The following FIGN variants were observed in gnomAD, a reference collection of about 807,000 sequenced individuals.
The protein encoded by FIGN is fidgetin.
In FIGN, 11 loss-of-function variants were observed where a neutral mutation model predicts 51.3. That is an observed-to-expected ratio of 0.21 (90% CI 0.13 to 0.35). FIGN has a LOEUF of 0.35. Ranked by LOEUF, FIGN falls within the 10% of genes least tolerant of loss-of-function variation. FIGN has a pLI of 1.00. For synonymous variants in FIGN, 407 were observed against 363.2 expected (o/e 1.12, Z -1.37); for missense variants, 857 against 943.6 (o/e 0.91, Z 1.20).
intron 2 of FIGN, among the ~76,000 whole-genome samples, chr2:163,647,662 C>G (rs1460518825): frequency 6.6e-6 from 1 of 152,138 alleles, no homozygotes; most frequent in Non-Finnish European, 1.5e-5. Context: ...GATTATTTTT[C>G]AGTAACAAAC....
At chr2:163,693,008 C>T (rs1417007121) in intron 2 of FIGN, among the ~76,000 whole-genome samples, 2 of 152,188 alleles carry the variant, frequency 1.3e-5, no homozygotes, top group African/African-American at 2.4e-5. Context: ...TTCCTTTAAC[C>T]GCAACTTCAG....
chr2:163,663,235 G>T (rs546244416), intron 2 of FIGN, among the ~76,000 whole-genome samples: 2 of 151,338 alleles, frequency 1.3e-5, no homozygotes, highest in African/African-American at 4.9e-5. Context: ...AAATAATGTT[G>T]GTTTTTTTTT....
At chr2:163,640,954 G>A (rs1232515778) in intron 2 of FIGN, among the ~76,000 whole-genome samples, 1 of 152,168 alleles carries the variant, frequency 6.6e-6, no homozygotes, top group South Asian at 2.1e-4. Flanking sequence ...GGCATCAAGT[G>A]CTCAGTGGGC....
rs201117900 is a variant in FIGN at position 163,607,588 on chromosome 2, G to GA, written c.*1963dup. The GA allele has an allele frequency of 8.3e-3, 1,215 of 147,004 alleles. 13 individuals are homozygous for GA. The highest frequency in any genetic ancestry group is 0.023 in the African/African-American group (920 of 40,174). 9.1% of individuals were successfully genotyped at this position (147,004 alleles called of 1,614,324 possible). On this transcript the variant is annotated 3_prime_UTR_variant, in exon 3 of 3. Coordinates refer to ENST00000333129, the MANE Select transcript of FIGN (RefSeq NM_018086.4). Reference sequence around the variant, plus strand: ...ATAAGATCGGTAAAAATTTTTGTAAGAAAAAAAAAACAGAAAGGCCTTTCT... The same window carrying GA: ...ATAAGATCGGTAAAAATTTTTGTAAGAAAAAAAAAAACAGAAAGGCCTTTCT...
At chr2:163,675,811 C>T (rs752331097) in intron 2 of FIGN, among the ~76,000 whole-genome samples, 26 of 130,548 alleles carry the variant, frequency 2.0e-4, no homozygotes, top group Admixed American at 5.7e-4. Flanking sequence ...GAGTAGGATT[C>T]ATCATATATA....
intron 2 of FIGN, among the ~76,000 whole-genome samples, chr2:163,685,982 A>G (rs6744140): frequency 0.11 from 16,491 of 152,252 alleles, 1,745 homozygotes; most frequent in African/African-American, 0.28. Flanking sequence ...AATCTATCAA[A>G]GGCACAAAAC....
At chr2:163,651,474 A>G (rs1186580291) in intron 2 of FIGN, among the ~76,000 whole-genome samples, 1 of 152,090 alleles carries the variant, frequency 6.6e-6, no homozygotes, top group East Asian at 1.9e-4. Flanking sequence ...AAACAACACA[A>G]AAAAAAGTTC....
intron 2 of FIGN, among the ~76,000 whole-genome samples, chr2:163,652,961 C>T (rs1683501175): frequency 6.6e-6 from 1 of 152,094 alleles, no homozygotes. Flanking sequence ...CATTCAACAT[C>T]CTTAAAATTT....
intron 2 of FIGN, among the ~76,000 whole-genome samples, chr2:163,640,633 A>G (rs1199371291): frequency 1.3e-5 from 2 of 152,172 alleles, no homozygotes; most frequent in African/African-American, 4.8e-5. Flanking sequence ...TTGGTCTTAG[A>G]GTTCGTTAAT....
chr2:163,713,638 A>C (rs1478940075), intron 2 of FIGN, among the ~76,000 whole-genome samples: 1 of 152,178 alleles, frequency 6.6e-6, no homozygotes, highest in Non-Finnish European at 1.5e-5. Context: ...CCTCCTTGCC[A>C]AGATATTTGA....
At chr2:163,699,243 G>T (rs187308431) in intron 2 of FIGN, among the ~76,000 whole-genome samples, 4 of 152,206 alleles carry the variant, frequency 2.6e-5, no homozygotes, top group Admixed American at 2.0e-4. Context: ...CAGGTATGAA[G>T]AAATGGTTTT....
rs79206829 is a variant in FIGN, at chr2:163,682,373, G to A, written c.25+52530C>T. 1.7e-4 allele frequency among the ~76,000 whole-genome samples: 26 copies of A among 149,172 alleles called. No homozygotes were observed. The East Asian group carries it at 4.1e-3, about 23-fold the overall frequency. ...GAGCATAAAATAACAGTCTATAGCC[G>A]CAGGCAATCCAGTAATCCAACACAA... On this transcript the variant is annotated intron_variant, in intron 2 of 2. Coordinates refer to ENST00000333129, the MANE Select transcript of FIGN (RefSeq NM_018086.4).
At chr2:163,682,526 T>C (rs1684082106) in intron 2 of FIGN, among the ~76,000 whole-genome samples, 1 of 152,122 alleles carries the variant, frequency 6.6e-6, no homozygotes, top group South Asian at 2.1e-4. Context: ...AGAAAATAAT[T>C]ACAGAACAGG....
At chr2:163,706,528 T>C (rs1684502455) in intron 2 of FIGN, among the ~76,000 whole-genome samples, 1 of 152,174 alleles carries the variant, frequency 6.6e-6, no homozygotes, top group African/African-American at 2.4e-5. Context: ...TCATGATGAT[T>C]CAAACAGGTG....
chr2:163,678,827 G>C (rs1436803513), intron 2 of FIGN, among the ~76,000 whole-genome samples: 2 of 151,990 alleles, frequency 1.3e-5, no homozygotes, highest in Non-Finnish European at 2.9e-5. Context: ...CCATTCCCTA[G>C]TAAGAATCAA....
intron 2 of FIGN, among the ~76,000 whole-genome samples, chr2:163,714,018 GGGCACTTGCACAGC>G: frequency 6.6e-6 from 1 of 152,192 alleles, no homozygotes; most frequent in South Asian, 2.1e-4. Flanking sequence ...TGGTCAGCTC[GGGCACTTGCACAGC>G]GGCTCACGGG....
At chr2:163,646,019 GA>G (rs1683375862) in intron 2 of FIGN, among the ~76,000 whole-genome samples, 1 of 152,116 alleles carries the variant, frequency 6.6e-6, no homozygotes, top group Admixed American at 6.5e-5. Context: ...AATTTAGGAT[GA>G]AAATTATTAT....
intron 2 of FIGN, among the ~76,000 whole-genome samples, chr2:163,722,596 A>G (rs1393808853): frequency 1.3e-5 from 2 of 152,198 alleles, no homozygotes; most frequent in Non-Finnish European, 2.9e-5. Flanking sequence ...TTACACCTAT[A>G]ATCAAAGTAG....
intron 2 of FIGN, among the ~76,000 whole-genome samples, chr2:163,676,506 C>A (rs1683973975): frequency 1.5e-5 from 2 of 129,586 alleles, no homozygotes; most frequent in South Asian, 5.0e-4. Context: ...GCACCCGAAT[C>A]TGAGAAACAT....
Sources: gnomAD v4.1 joint callset for allele counts (sites outside exome capture counted in the v4.1 genomes callset) on GRCh38, gnomAD v4.1.1 for gene constraint, MANE v1.5 for transcripts, NCBI Gene and HGNC (gene_info 2026-07-23, HGNC 2026-07-21) for gene names.